Variants in KATNIP observed in about 807,000 individuals in gnomAD.
KATNIP encodes the protein katanin interacting protein.
In KATNIP, 126 loss-of-function variants were observed where a neutral mutation model predicts 174.0. The observed-to-expected ratio is 0.72, with a 90% confidence interval of 0.63 to 0.84. KATNIP has a LOEUF of 0.84. Ranked by LOEUF, KATNIP falls within the 40% of genes least tolerant of loss-of-function variation. The pLI, the probability that KATNIP is intolerant of heterozygous loss-of-function variation, is 0.00. For missense variants in KATNIP, 1,958 were observed against 2,109.7 expected (o/e 0.93, Z 1.41); for synonymous variants, 810 against 835.7 (o/e 0.97, Z 0.53).
intron 1 of KATNIP, among the ~76,000 whole-genome samples, chr16:27,553,797 C>A (rs1015226382): frequency 1.3e-5 from 2 of 151,680 alleles, no homozygotes; most frequent in African/African-American, 4.8e-5. Context: ...TTAGTGAGAC[C>A]CCATCTCTGT....
At chr16:27,730,729 C>T (rs946605485) in intron 14 of KATNIP, among the ~76,000 whole-genome samples, 1 of 152,248 alleles carries the variant, frequency 6.6e-6, no homozygotes, top group African/African-American at 2.4e-5. Flanking sequence ...TCTCCAGTGA[C>T]ACCCTTCCTG....
At chr16:27,775,506 C>G (rs1002798977) in intron 24 of KATNIP, among the ~76,000 whole-genome samples, 8 of 152,258 alleles carry the variant, frequency 5.3e-5, no homozygotes, top group Non-Finnish European at 8.8e-5. Context: ...TAGATGACCC[C>G]AGTACGGCCG....
chr16:27,584,688 G>A (rs2090826080), intron 2 of KATNIP, among the ~76,000 whole-genome samples: 1 of 152,074 alleles, frequency 6.6e-6, no homozygotes, highest in African/African-American at 2.4e-5. Flanking sequence ...CTACTCAGGA[G>A]GCTGAGGCAG....
At chr16:27,766,618 A>C (rs2082135500) in intron 20 of KATNIP, 144 bp downstream of exon 20, 5 of 826,238 alleles carry the variant, frequency 6.1e-6, no homozygotes, top group African/African-American at 5.1e-5. Flanking sequence ...AGGGAGAGAG[A>C]GAGCTGCTGT....
intron 19 of KATNIP, among the ~76,000 whole-genome samples, chr16:27,765,403 C>G (rs2082087547): frequency 6.6e-6 from 1 of 152,168 alleles, no homozygotes; most frequent in Non-Finnish European, 1.5e-5. Flanking sequence ...GCTGAGGTGA[C>G]AAGCTCAGAG....
intron 5 of KATNIP, chr16:27,632,752 T>C (rs233454): frequency 0.86 from 326,550 of 379,182 alleles, 141,510 homozygotes; most frequent in East Asian, 1. Context: ...TTCTTTCTTT[T>C]TTTTTTTTCT....
At chr16:27,627,481 AAC>A (rs1204144256) in intron 3 of KATNIP, among the ~76,000 whole-genome samples, 2 of 152,204 alleles carry the variant, frequency 1.3e-5, no homozygotes, top group African/African-American at 4.8e-5. Context: ...TTTAAACAGA[AAC>A]ACACATACAC....
rs55885401 is a variant in KATNIP at position 27,607,725 on chromosome 16, A to G, written c.64-10700A>G. Among the ~76,000 whole-genome samples the G allele has an allele frequency of 2.5e-3, 385 of 151,792 alleles. 2 individuals carry two copies. Among genetic ancestry groups the G allele is most frequent in the African/African-American group, 8.8e-3 (365 of 41,390 alleles). ...CCATTCTCCTGCCTCAGCCTCCTGA[A>G]TAGATGGGATTACAGTCCTGCATGG... On this transcript the variant is annotated intron_variant, in intron 2 of 27. Coordinates refer to ENST00000261588, the MANE Select transcript of KATNIP (RefSeq NM_015202.5).
intron 13 of KATNIP, among the ~76,000 whole-genome samples, chr16:27,719,497 C>G (rs2080116158): frequency 6.6e-6 from 1 of 151,726 alleles, no homozygotes; most frequent in South Asian, 2.1e-4. Flanking sequence ...CTCAGCCTCC[C>G]CAGTAGCTGG....
chr16:27,700,338 G>A (rs2079054328), intron 10 of KATNIP, among the ~76,000 whole-genome samples: 1 of 152,192 alleles, frequency 6.6e-6, no homozygotes, highest in South Asian at 2.1e-4. Context: ...CAGAAAATAA[G>A]GAAGTGACTT....
At chr16:27,706,176 A>ACCCCCTGGAGCTCAGTCCCC in intron 12 of KATNIP, among the ~76,000 whole-genome samples, 1 of 152,124 alleles carries the variant, frequency 6.6e-6, no homozygotes, top group African/African-American at 2.4e-5. Flanking sequence ...GCTCAGTCCC[A>ACCCCCTGGAGCTCAGTCCCC]TCTCTGCTCC....
intron 6 of KATNIP, among the ~76,000 whole-genome samples, chr16:27,651,163 G>A (rs1001828478): frequency 6.6e-6 from 1 of 152,162 alleles, no homozygotes; most frequent in African/African-American, 2.4e-5. Flanking sequence ...CCTACAACAC[G>A]GGACAGCAGC....
chr16:27,748,354 G>A (rs967451674), intron 15 of KATNIP, among the ~76,000 whole-genome samples: 1 of 152,214 alleles, frequency 6.6e-6, no homozygotes, highest in African/African-American at 2.4e-5. Context: ...GCCCAGCTGA[G>A]GCAGGCGAAT....
At chr16:27,571,465 A>G (rs571409444) in intron 1 of KATNIP, among the ~76,000 whole-genome samples, 1 of 151,890 alleles carries the variant, frequency 6.6e-6, no homozygotes, top group Admixed American at 6.5e-5. Flanking sequence ...AAAAAAAACT[A>G]TGGCCCATAG....
intron 2 of KATNIP, among the ~76,000 whole-genome samples, chr16:27,608,627 G>T (rs985071596): frequency 6.8e-6 from 1 of 147,848 alleles, no homozygotes; most frequent in Non-Finnish European, 1.5e-5. Context: ...AAGCTATCCT[G>T]CCACCTCAGC....
chr16:27,551,528 T>C (rs1377076390), intron 1 of KATNIP, among the ~76,000 whole-genome samples: 1 of 152,242 alleles, frequency 6.6e-6, no homozygotes, highest in Non-Finnish European at 1.5e-5. Context: ...ATTTATGATA[T>C]TTACCATATC....
intron 1 of KATNIP, among the ~76,000 whole-genome samples, chr16:27,569,887 T>C (rs1009161782): frequency 3.9e-5 from 6 of 152,210 alleles, no homozygotes; most frequent in African/African-American, 1.4e-4. Flanking sequence ...GATTTGCTTT[T>C]ATGTTTTATT....
chr16:27,624,512 TTG>T (rs2076278822), intron 3 of KATNIP, among the ~76,000 whole-genome samples: 1 of 152,138 alleles, frequency 6.6e-6, no homozygotes, highest in Non-Finnish European at 1.5e-5. Flanking sequence ...TTGGGGTCAC[TTG>T]TTCCAGAAAC....
At chr16:27,731,055 G>A (rs1343731581) in intron 14 of KATNIP, among the ~76,000 whole-genome samples, 1 of 152,164 alleles carries the variant, frequency 6.6e-6, no homozygotes, top group Admixed American at 6.6e-5. Context: ...TTCACCTACA[G>A]CTGGTTGTGA....
Sources: gnomAD v4.1 joint callset for allele counts (sites outside exome capture counted in the v4.1 genomes callset) on GRCh38, gnomAD v4.1.1 for gene constraint, MANE v1.5 for transcripts, NCBI Gene and HGNC (gene_info 2026-07-23, HGNC 2026-07-21) for gene names.